CELF4: variants seen among roughly 807,000 people sequenced by gnomAD.
CELF4 encodes CUGBP Elav-like family member 4.
CELF4 carries 18 observed loss-of-function variants against 59.9 expected under a neutral mutation model. The ratio of observed to expected loss-of-function variants is 0.30; its 90% CI spans 0.21 to 0.45. The LOEUF is 0.45. CELF4 is among the 20% of genes least tolerant of loss of function. The probability of loss-of-function intolerance (pLI) is 1.00; values close to 1 mark genes in which losing one functional copy is unlikely to be tolerated. For synonymous variants in CELF4, 261 were observed against 267.1 expected (o/e 0.98, Z 0.22); for missense variants, 456 against 689.0 (o/e 0.66, Z 3.79).
chr18:37,493,836 A>G (rs568771601), intron 1 of CELF4, among the ~76,000 whole-genome samples: 209 of 152,242 alleles, frequency 1.4e-3, no homozygotes, highest in Non-Finnish European at 2.6e-3. Flanking sequence ...CCTCTCTTTA[A>G]ATCAGAAACT....
At position 37,273,178 on chromosome 18, in the gene CELF4, G is replaced by A. The variant is rs1423083991; in HGVS notation, c.802-15C>T. 2 of 1,599,142 alleles carry A rather than the reference G, an allele frequency of 1.3e-6. No individual in the cohort carries two copies. Among genetic ancestry groups the A allele is most frequent in the Non-Finnish European group, 1.7e-6 (2 of 1,168,180 alleles). On this transcript the variant is annotated splice_polypyrimidine_tract_variant and intron_variant, in intron 6 of 12. Coordinates refer to ENST00000420428, the MANE Select transcript of CELF4 (RefSeq NM_020180.4). The stretch of plus-strand genomic sequence containing the variant: ...TGCTGCATCAGCTGGGGCAGAGGGA[G>A]TGGAAAAAATATCACGTGCTTCCAG...
chr18:37,327,535 C>G (rs1286067476), intron 2 of CELF4, among the ~76,000 whole-genome samples: 1 of 152,226 alleles, frequency 6.6e-6, no homozygotes, highest in Non-Finnish European at 1.5e-5. Context: ...AATGTCTTCA[C>G]CTGGCTTCCC....
At chr18:37,433,834 G>T (rs981603558) in intron 2 of CELF4, among the ~76,000 whole-genome samples, 2 of 152,232 alleles carry the variant, frequency 1.3e-5, no homozygotes, top group African/African-American at 4.8e-5. Context: ...GGCAGTGTCT[G>T]GAGCCTGGGA....
At chr18:37,272,816 G>A (rs1452734317) in intron 7 of CELF4, among the ~76,000 whole-genome samples, 200 bp downstream of exon 7, 1 of 152,192 alleles carries the variant, frequency 6.6e-6, no homozygotes, top group South Asian at 2.1e-4. Flanking sequence ...AGACTGCATG[G>A]GTCCCATATC....
At chr18:37,470,872 G>GAC (rs1569569539) in intron 2 of CELF4, among the ~76,000 whole-genome samples, 1,228 of 120,146 alleles carry the variant, frequency 0.01, 18 homozygotes, top group South Asian at 0.015. Flanking sequence ...GTGTGTGTGT[G>GAC]TGTGTGTGTG....
intron 2 of CELF4, among the ~76,000 whole-genome samples, chr18:37,447,185 C>T (rs894776618): frequency 6.6e-6 from 1 of 152,240 alleles, no homozygotes; most frequent in African/African-American, 2.4e-5. Flanking sequence ...AGCCAACGGG[C>T]CAAGGGCTCT....
intron 2 of CELF4, among the ~76,000 whole-genome samples, chr18:37,351,229 C>T (rs1188144482): frequency 6.6e-6 from 1 of 152,166 alleles, no homozygotes; most frequent in African/African-American, 2.4e-5. Flanking sequence ...AGAAACGACT[C>T]GCCAAAAGTT....
chr18:37,444,047 GTT>G (rs1569569436), intron 2 of CELF4, among the ~76,000 whole-genome samples: 1 of 152,254 alleles, frequency 6.6e-6, no homozygotes, highest in Admixed American at 6.5e-5. Flanking sequence ...CCTGGGGCCA[GTT>G]ACTAACTTCT....
At chr18:37,540,068 G>T (rs761961985) in intron 1 of CELF4, among the ~76,000 whole-genome samples, 6 of 152,182 alleles carry the variant, frequency 3.9e-5, no homozygotes, top group African/African-American at 7.2e-5. Flanking sequence ...TTCTTTACCA[G>T]GGCAGTTGAA....
intron 2 of CELF4, among the ~76,000 whole-genome samples, chr18:37,464,580 C>A (rs1358546877): frequency 1.3e-5 from 2 of 152,134 alleles, no homozygotes; most frequent in East Asian, 3.9e-4. Context: ...GCTTGGGTGC[C>A]CTGGCTGGCC....
At chr18:37,536,174 C>A (rs1410481077) in intron 1 of CELF4, among the ~76,000 whole-genome samples, 2 of 151,598 alleles carry the variant, frequency 1.3e-5, no homozygotes, top group Non-Finnish European at 1.5e-5. Context: ...TGAATCACAG[C>A]TGTTTGGAGC....
At chr18:37,356,408 C>T (rs2098573525) in intron 2 of CELF4, among the ~76,000 whole-genome samples, 1 of 152,046 alleles carries the variant, frequency 6.6e-6, no homozygotes, top group South Asian at 2.1e-4. Flanking sequence ...AATGGCAGCC[C>T]AGAAAGAGAC....
intron 2 of CELF4, among the ~76,000 whole-genome samples, chr18:37,389,129 T>C (rs1273490321): frequency 6.6e-6 from 1 of 152,036 alleles, no homozygotes; most frequent in Non-Finnish European, 1.5e-5. Context: ...TGGTTGAGAG[T>C]TGGAGATGCA....
chr18:37,419,473 G>A (rs1312531572), intron 2 of CELF4, among the ~76,000 whole-genome samples: 1 of 152,160 alleles, frequency 6.6e-6, no homozygotes, highest in Admixed American at 6.5e-5. Context: ...CTTTAGGAAT[G>A]TTGGGAGATG....
At chr18:37,353,084 G>GGT (rs2098481274) in intron 2 of CELF4, among the ~76,000 whole-genome samples, 1 of 151,902 alleles carries the variant, frequency 6.6e-6, no homozygotes. Flanking sequence ...AGCCGGGTGT[G>GGT]ATGGCACGTG....
At chr18:37,468,502 A>G (rs1038460397) in intron 2 of CELF4, among the ~76,000 whole-genome samples, 4 of 152,068 alleles carry the variant, frequency 2.6e-5, no homozygotes, top group Admixed American at 2.6e-4. Flanking sequence ...CTGCCACCTC[A>G]AGCTGGCCAC....
chr18:37,449,806 C>T (rs1330390198), intron 2 of CELF4, among the ~76,000 whole-genome samples: 1 of 152,196 alleles, frequency 6.6e-6, no homozygotes, highest in African/African-American at 2.4e-5. Context: ...CATGCAAAGG[C>T]CCTGGGGCAT....
chr18:37,273,956 G>T (rs976838809), intron 6 of CELF4: 2 of 1,112,630 alleles, frequency 1.8e-6, no homozygotes, highest in Non-Finnish European at 2.2e-6. Context: ...GGGGTGGTTT[G>T]CAACCAATGA....
intron 1 of CELF4, among the ~76,000 whole-genome samples, chr18:37,517,259 G>C (rs560764872): frequency 2.0e-3 from 306 of 152,324 alleles, no homozygotes; most frequent in Middle Eastern, 6.8e-3. Context: ...TTTTGCTTTT[G>C]GGGCTGGGGT....
Sources: allele counts gnomAD v4.1 joint callset (sites outside exome capture counted in the v4.1 genomes callset), GRCh38; gene constraint gnomAD v4.1.1; transcripts MANE v1.5; gene names NCBI Gene and HGNC (gene_info 2026-07-23, HGNC 2026-07-21).